DIP2C: variants seen among roughly 807,000 people sequenced by gnomAD.
DIP2C encodes the protein DIP2 acetate--CoA ligase C (putative).
Under a neutral mutation model 192.4 loss-of-function variants are expected in DIP2C, and 33 were observed. The observed-to-expected ratio is 0.17, with a 90% CI of 0.13 to 0.23. DIP2C has a LOEUF of 0.23. Among genes scored for constraint, DIP2C ranks in the 10% least tolerant of loss-of-function variants. DIP2C has a pLI of 1.00. For synonymous variants in DIP2C, 979 were observed against 864.1 expected, an observed-to-expected ratio of 1.13 and a Z score of -2.33; for missense variants, 1,537 against 2,110.1, an observed-to-expected ratio of 0.73 and a Z score of 5.32.
chr10:424,384 G>A (rs912210192), intron 4 of DIP2C, among the ~76,000 whole-genome samples: 7 of 39,208 alleles, frequency 1.8e-4, no homozygotes, highest in African/African-American at 5.6e-4. Flanking sequence ...TTTTTTTTTT[G>A]AGACAGAGTC....
At chr10:499,898 C>T (rs982522856) in intron 1 of DIP2C, among the ~76,000 whole-genome samples, 1 of 152,224 alleles carries the variant, frequency 6.6e-6, no homozygotes, top group African/African-American at 2.4e-5. Flanking sequence ...GCCAGCCCCT[C>T]GAACTTGTTA....
chr10:408,882 G>A lies in DIP2C; in HGVS notation c.1149+44C>T, dbSNP rs1964994559. 1.9e-6 allele frequency: 3 copies of A among 1,596,480 alleles called. No individual in the cohort carries two copies. The East Asian group carries it at 6.7e-5, about 36-fold the overall frequency. ...TAAACAGTGGGCACCTTTTCCCACA[G>A]GACTCTTGTGTTTTGTAGATCCAGC... On this transcript the variant is annotated intron_variant, in intron 9 of 36. Transcript: ENST00000280886.
intron 1 of DIP2C, among the ~76,000 whole-genome samples, chr10:500,877 T>C (rs1416493161): frequency 1.3e-5 from 2 of 152,184 alleles, no homozygotes; most frequent in African/African-American, 4.8e-5. Flanking sequence ...CTTTCTATCA[T>C]CCTTAAAGCT....
At chr10:311,250 G>A (rs1212067091) in intron 31 of DIP2C, among the ~76,000 whole-genome samples, 1 of 152,202 alleles carries the variant, frequency 6.6e-6, no homozygotes, top group African/African-American at 2.4e-5. Flanking sequence ...CAGCCATGGA[G>A]GGTCAATTAA....
intron 1 of DIP2C, among the ~76,000 whole-genome samples, chr10:621,746 A>T (rs1251949420): frequency 6.6e-6 from 1 of 152,216 alleles, no homozygotes; most frequent in Non-Finnish European, 1.5e-5. Flanking sequence ...GAGCATGAAC[A>T]AAAGACGGCA....
chr10:495,265 G>GA (rs1210171864), intron 1 of DIP2C, among the ~76,000 whole-genome samples: 3 of 152,010 alleles, frequency 2.0e-5, no homozygotes, highest in Non-Finnish European at 2.9e-5. Flanking sequence ...CACACTTCAA[G>GA]AAAAAATGAG....
In DIP2C at chr10:400,848, C is replaced by A. The variant is rs374735491; in HGVS notation, c.1150-1629G>T. 2.0e-5 allele frequency among the ~76,000 whole-genome samples: 3 copies of A among 151,452 alleles called. No individual in the cohort carries two copies. In the East Asian group the frequency reaches 5.9e-4, roughly 30 times the overall value. On this transcript the variant is annotated intron_variant, in intron 9 of 36. Transcript: ENST00000280886. ...GGTATGTGTTCCTCACCACATGAATCCTGTGATTTTACACGTGTGGCAGCA... is the reference window on the plus strand; with the variant it reads ...GGTATGTGTTCCTCACCACATGAATACTGTGATTTTACACGTGTGGCAGCA...
chr10:289,409 C>T (rs1440337573), intron 32 of DIP2C, among the ~76,000 whole-genome samples: 1 of 152,192 alleles, frequency 6.6e-6, no homozygotes, highest in Non-Finnish European at 1.5e-5. Context: ...GCTAGGGCTA[C>T]AGGTGTGTAC....
chr10:663,058 G>A (rs1856860413), intron 1 of DIP2C: 1 of 626,148 alleles, frequency 1.6e-6, no homozygotes, highest in East Asian at 2.8e-5. Flanking sequence ...GGGGCAGATG[G>A]TGACCGTGAC....
At chr10:360,286 G>A (rs993824768) in intron 22 of DIP2C, among the ~76,000 whole-genome samples, 1 of 152,186 alleles carries the variant, frequency 6.6e-6, no homozygotes, top group African/African-American at 2.4e-5. Context: ...CTTGGCAGCA[G>A]CTGACAGTGT....
chr10:497,187 G>T (rs1405943532), intron 1 of DIP2C, among the ~76,000 whole-genome samples: 8 of 152,226 alleles, frequency 5.3e-5, no homozygotes, highest in African/African-American at 1.9e-4. Flanking sequence ...TGAGTGCTAT[G>T]TAAATGGTGG....
Position 349,290 on chromosome 10 carries a change from G to A in DIP2C, c.3109+41C>T, listed in dbSNP as rs188711903. The stretch of plus-strand genomic sequence containing the variant: ...GGACCTCCTCGCACCGCGGCTGACC[G>A]GCTTGCCATCTCTCAGGGGAAGCCC... On this transcript the variant is annotated intron_variant, in intron 25 of 36. Coordinates refer to ENST00000280886, the MANE Select transcript of DIP2C (RefSeq NM_014974.3). The A allele has an allele frequency of 1.2e-4, 184 of 1,584,834 alleles. 1 individual carries two copies. The East Asian group carries it at 3.3e-3, about 28-fold the overall frequency.
intron 28 of DIP2C, 51 bp from the exon 29 acceptor site, chr10:341,380 A>T (rs1958137423): frequency 6.2e-7 from 1 of 1,609,700 alleles, no homozygotes; most frequent in African/African-American, 1.3e-5. Flanking sequence ...ACCCTCAGAC[A>T]CCCGGGACAA....
chr10:507,580 C>T (rs1271373862), intron 1 of DIP2C, among the ~76,000 whole-genome samples: 1 of 152,216 alleles, frequency 6.6e-6, no homozygotes, highest in East Asian at 1.9e-4. Context: ...GGTGACGGAC[C>T]TGGTCATCAG....
chr10:336,895 GGTGTGTGTGTGTGT>G (rs112539860), intron 29 of DIP2C, among the ~76,000 whole-genome samples: 1 of 91,724 alleles, frequency 1.1e-5, no homozygotes, highest in Non-Finnish European at 2.6e-5. Context: ...GGCCTAGGCA[GGTGTGTGTGTGTGT>G]GTGTGTGTGT....
intron 1 of DIP2C, among the ~76,000 whole-genome samples, chr10:564,974 A>G (rs1010928908): frequency 3.3e-5 from 5 of 152,218 alleles, no homozygotes; most frequent in African/African-American, 7.2e-5. Flanking sequence ...TGAGTTTAAC[A>G]TCTACTGGAA....
At position 363,328 on chromosome 10, in the gene DIP2C, G is replaced by T. The variant is rs762574069; in HGVS notation, c.2478-17C>A. The T allele has an allele frequency of 1.2e-6, 2 of 1,605,292 alleles. No individual in the cohort carries two copies. The highest frequency in any genetic ancestry group is 1.7e-6 in the Non-Finnish European group (2 of 1,176,736). ...ACGGCTATCCTGCGGGGACACAGGA[G>T]CATGGTGAGCACGCGCCGGGGACGC... On this transcript the variant is annotated splice_polypyrimidine_tract_variant and intron_variant, in intron 20 of 36. Coordinates refer to ENST00000280886, the MANE Select transcript of DIP2C (RefSeq NM_014974.3). This position sits in a 1 kb window ranked among gnomAD's most constrained non-coding sequence, Gnocchi z 5.4.
intron 1 of DIP2C, among the ~76,000 whole-genome samples, chr10:512,051 C>T (rs1273780525): frequency 6.6e-6 from 1 of 152,198 alleles, no homozygotes; most frequent in Non-Finnish European, 1.5e-5. Flanking sequence ...CGCCCACAGA[C>T]GGCCGTTCCC....
chr10:558,515 G>A (rs1484440043), intron 1 of DIP2C, among the ~76,000 whole-genome samples: 1 of 152,132 alleles, frequency 6.6e-6, no homozygotes, highest in Admixed American at 6.5e-5. Flanking sequence ...GGAGGCGGGC[G>A]CCCAGCGCAG....
Sources: gnomAD v4.1 joint callset for allele counts (sites outside exome capture counted in the v4.1 genomes callset) on GRCh38, gnomAD v4.1.1 for gene constraint, Gnocchi (gnomAD v3.1) non-coding constraint, MANE v1.5 for transcripts, NCBI Gene and HGNC (gene_info 2026-07-23, HGNC 2026-07-21) for gene names.